The following PRKRIP1 variants were observed in gnomAD, a reference collection of about 807,000 sequenced individuals.
PRKRIP1 encodes the protein PRKR interacting protein 1.
PRKRIP1 carries 29 observed loss-of-function variants against 29.3 expected under a neutral mutation model. The ratio of observed to expected loss-of-function variants is 0.99; its 90% confidence interval spans 0.74 to 1.35. The LOEUF is 1.35. PRKRIP1 is among the 40% of genes most tolerant of loss of function. PRKRIP1 has a pLI of 0.00. For missense variants in PRKRIP1, 247 were observed against 236.8 expected (o/e 1.04, Z -0.28); for synonymous variants, 90 against 85.1 (o/e 1.06, Z -0.32).
At chr7:102,417,087 C>A (rs1283030711) in intron 5 of PRKRIP1, among the ~76,000 whole-genome samples, 1 of 152,040 alleles carries the variant, frequency 6.6e-6, no homozygotes, top group Admixed American at 6.6e-5. Flanking sequence ...GATCTCCTGA[C>A]CTCGTGATCC....
intron 5 of PRKRIP1, chr7:102,423,120 C>CTTTTTT (rs782193171): frequency 1.8e-5 from 7 of 384,666 alleles, no homozygotes; most frequent in African/African-American, 1.1e-4. Flanking sequence ...ACCCTATGCT[C>CTTTTTT]TTTTTTTTTT....
intron 5 of PRKRIP1, among the ~76,000 whole-genome samples, chr7:102,421,847 A>G (rs1015383075): frequency 2.1e-4 from 32 of 151,858 alleles, no homozygotes; most frequent in Admixed American, 7.2e-4. Context: ...ACAGCATAGT[A>G]GGTGGGGATT....
chr7:102,422,170 TATTATTATG>T (rs782264484), intron 5 of PRKRIP1, among the ~76,000 whole-genome samples: 1,428 of 128,884 alleles, frequency 0.011, 29 homozygotes, highest in African/African-American at 0.019. Flanking sequence ...TTATTATTAT[TATTATTATG>T]ATTATTATTA....
Position 102,411,913 on chromosome 7 carries a change from T to C in PRKRIP1, c.457+4415T>C, listed in dbSNP as rs534280181. On this transcript the variant is annotated intron_variant, in intron 5 of 5. Transcript: ENST00000397912. ...GCATTTCCCTAATGATTTGTGATGT[T>C]GGGCATCTTTGTTGTTGTTGTTGTT... Among the ~76,000 whole-genome samples, 11 of 144,026 alleles carry C rather than the reference T, an allele frequency of 7.6e-5. 1 individual carries two copies. In the East Asian group the frequency reaches 2.0e-3, roughly 26 times the overall value. The allele number at this position is 144,026 out of a possible 152,430, so 94.5% of individuals were successfully genotyped here. A position where few individuals can be genotyped will look rare whatever the true frequency, so the allele number is the denominator to read the frequency against.
In PRKRIP1 at chr7:102,399,533, CTG is replaced by C; in HGVS notation, c.206-13_206-12del. 1 of 1,606,386 alleles carries C rather than the reference CTG, an allele frequency of 6.2e-7. No individual in the cohort carries two copies. The highest frequency in any genetic ancestry group is 1.3e-5 in the African/African-American group (1 of 74,886). ...ACTGAATTTCATCTAGAACTGTGGACTGTTCTGGCTACAGGTTCAAGTGCTGG... is the reference window on the plus strand; with the variant it reads ...ACTGAATTTCATCTAGAACTGTGGACTTCTGGCTACAGGTTCAAGTGCTGG... On this transcript the variant is annotated splice_polypyrimidine_tract_variant and intron_variant, in intron 2 of 5. Transcript: ENST00000397912.
chr7:102,421,693 A>G (rs1796697718), intron 5 of PRKRIP1, among the ~76,000 whole-genome samples: 2 of 152,058 alleles, frequency 1.3e-5, no homozygotes, highest in South Asian at 4.1e-4. Context: ...GCTACTTGGG[A>G]GGCTGAGGCA....
chr7:102,399,365 A>G (rs1796004309), intron 2 of PRKRIP1, among the ~76,000 whole-genome samples, 183 bp from the exon 3 acceptor site: 1 of 152,178 alleles, frequency 6.6e-6, no homozygotes, highest in Admixed American at 6.6e-5. Context: ...CATTCATAGA[A>G]CAAATAATTC....
At chr7:102,406,065 T>G (rs1388653329) in intron 4 of PRKRIP1, among the ~76,000 whole-genome samples, 3 of 152,168 alleles carry the variant, frequency 2.0e-5, no homozygotes, top group African/African-American at 7.2e-5. Flanking sequence ...TGTTCAACCT[T>G]TGAAGCATTG....
chr7:102,399,678 C>G (rs782178216), intron 3 of PRKRIP1, 30 bp downstream of exon 3: 1 of 1,544,742 alleles, frequency 6.5e-7, no homozygotes, highest in East Asian at 2.2e-5. Context: ...GGCTGAGCCC[C>G]CATGTTTGGG....
chr7:102,412,710 G>A (rs187784027), intron 5 of PRKRIP1, among the ~76,000 whole-genome samples: 3 of 152,290 alleles, frequency 2.0e-5, no homozygotes, highest in East Asian at 1.9e-4. Context: ...TTGGTGCGCC[G>A]TGGGTCCTGG....
chr7:102,426,288 C>T lies in PRKRIP1; in HGVS notation c.*1177C>T, dbSNP rs781890066. On this transcript the variant is annotated 3_prime_UTR_variant, in exon 6 of 6. Coordinates refer to ENST00000397912, the MANE Select transcript of PRKRIP1 (RefSeq NM_024653.4). The stretch of plus-strand genomic sequence containing the variant: ...AGAGGACGGGGCACTGTGCTGGGAG[C>T]CAGGGGGCCTGGGAGGAGCCGAGAC... The T allele has an allele frequency of 1.1e-4, 17 of 152,428 alleles. No individual in the cohort carries two copies. Among genetic ancestry groups the T allele is most frequent in the Non-Finnish European group, 2.1e-4 (14 of 68,130 alleles). 9.4% of individuals were successfully genotyped at this position (152,428 alleles called of 1,614,324 possible).
intron 4 of PRKRIP1, among the ~76,000 whole-genome samples, chr7:102,405,363 G>A (rs1199511978): frequency 6.6e-6 from 1 of 152,184 alleles, no homozygotes; most frequent in Admixed American, 6.5e-5. Context: ...GTTTACATAA[G>A]TGGTCTCTCA....
At chr7:102,404,207 G>C (rs1212477766) in intron 3 of PRKRIP1, 1 of 162,180 alleles carries the variant, frequency 6.2e-6, no homozygotes, top group Admixed American at 6.3e-5. Context: ...CTATGGTTGG[G>C]CTTAGGGCTT....
chr7:102,403,805 CTGTGTG>C (rs369873511), intron 3 of PRKRIP1, among the ~76,000 whole-genome samples: 65 of 152,306 alleles, frequency 4.3e-4, no homozygotes, highest in African/African-American at 1.4e-3. Context: ...TTACAAATAT[CTGTGTG>C]GGTGTGGGTG....
Position 102,396,404 on chromosome 7 carries a change from A to T in PRKRIP1, c.-8A>T. 1 of 1,549,054 alleles carries T rather than the reference A, an allele frequency of 6.5e-7. No homozygotes were observed. The highest frequency in any genetic ancestry group is 8.7e-7 in the Non-Finnish European group (1 of 1,154,498). ...GCCGCCGCTCGCTTGTGAAACTGGA[A>T]GGCTGCCATGGCTAGCCCAGCCGCC... is the stretch of plus-strand genomic sequence containing the variant. On this transcript the variant is annotated 5_prime_UTR_variant, in exon 1 of 6. The change creates a new upstream start codon in the 5' untranslated region. Transcript: ENST00000397912.
intron 5 of PRKRIP1, among the ~76,000 whole-genome samples, chr7:102,421,320 G>A (rs1209067662): frequency 6.6e-6 from 1 of 152,022 alleles, no homozygotes; most frequent in Non-Finnish European, 1.5e-5. Flanking sequence ...AATGAGGGAG[G>A]ATCACTTGAG....
Position 102,400,329 on chromosome 7 carries a change from T to A in PRKRIP1, c.306+681T>A, listed in dbSNP as rs568344790. Reference sequence around the variant, plus strand: ...CATCTCAAAAAAAGGAAAAAAAAAATAACACCAAGAAATAATCATAAAATA... The same window carrying A: ...CATCTCAAAAAAAGGAAAAAAAAAAAAACACCAAGAAATAATCATAAAATA... On this transcript the variant is annotated intron_variant, in intron 3 of 5. Transcript: ENST00000397912. 1.8e-4 allele frequency among the ~76,000 whole-genome samples: 27 copies of A among 151,332 alleles called. No individual in the cohort carries two copies. The South Asian group carries it at 2.7e-3, about 15-fold the overall frequency.
At chr7:102,403,403 G>A (rs141152513) in intron 3 of PRKRIP1, among the ~76,000 whole-genome samples, 65 of 152,298 alleles carry the variant, frequency 4.3e-4, no homozygotes, top group Middle Eastern at 3.4e-3. Context: ...CTCCTTTGCC[G>A]GCTCCTTATT....
chr7:102,424,821 G>T (rs1217866786), intron 5 of PRKRIP1, among the ~76,000 whole-genome samples, 193 bp from the exon 6 acceptor site: 1 of 152,150 alleles, frequency 6.6e-6, no homozygotes, highest in Admixed American at 6.5e-5. Context: ...AGCAGTGGTA[G>T]ATCAGGTCTG....
Sources: allele counts gnomAD v4.1 joint callset (sites outside exome capture counted in the v4.1 genomes callset), GRCh38; gene constraint gnomAD v4.1.1; transcripts MANE v1.5; gene names NCBI Gene and HGNC (gene_info 2026-07-23, HGNC 2026-07-21).